The following ZBTB20 variants were observed in gnomAD, a reference collection of about 807,000 sequenced individuals.
ZBTB20 encodes the protein zinc finger and BTB domain-containing protein 20.
ZBTB20 carries 9 observed loss-of-function variants against 56.9 expected under a neutral mutation model. The observed-to-expected ratio is 0.16, with a 90% confidence interval of 0.10 to 0.28. The LOEUF is 0.28. Among genes scored for constraint, ZBTB20 ranks in the 10% least tolerant of loss-of-function variants. The probability of loss-of-function intolerance (pLI) is 1.00; values close to 1 mark genes in which losing one functional copy is unlikely to be tolerated. For missense variants in ZBTB20, 655 were observed against 1,003.0 expected, an observed-to-expected ratio of 0.65 and a Z score of 4.69; for synonymous variants, 417 against 420.7, an observed-to-expected ratio of 0.99 and a Z score of 0.11.
chr3:114,883,351 G>C (rs2076469215), intron 4 of ZBTB20, among the ~76,000 whole-genome samples: 1 of 152,128 alleles, frequency 6.6e-6, no homozygotes, highest in Admixed American at 6.5e-5. Flanking sequence ...GGTCTCAATG[G>C]TTTAGTTCTG....
chr3:114,907,455 G>C (rs755964410), intron 3 of ZBTB20, among the ~76,000 whole-genome samples: 1 of 151,732 alleles, frequency 6.6e-6, no homozygotes, highest in African/African-American at 2.4e-5. Flanking sequence ...TCAATATTCA[G>C]ACAGAACAAG....
intron 6 of ZBTB20, among the ~76,000 whole-genome samples, chr3:114,616,686 A>G (rs2057969040): frequency 6.6e-6 from 1 of 152,218 alleles, no homozygotes; most frequent in African/African-American, 2.4e-5. Context: ...TGGATGATTC[A>G]GATGACTGCC....
At chr3:114,760,980 GAAAGGAAATAATACTCCTAAACCCCCAA>G (rs1424981249) in intron 5 of ZBTB20, among the ~76,000 whole-genome samples, 6 of 152,058 alleles carry the variant, frequency 3.9e-5, no homozygotes, top group African/African-American at 1.4e-4. Flanking sequence ...TGTTAAATGA[GAAAGGAAATAATACTCCTAAACCCCCAA>G]AAAGCTCTTT....
At chr3:114,637,453 C>T (rs190059859) in intron 6 of ZBTB20, among the ~76,000 whole-genome samples, 1 of 152,188 alleles carries the variant, frequency 6.6e-6, no homozygotes, top group East Asian at 1.9e-4. Context: ...AGTATTTCAG[C>T]CTCCATTACT....
intron 3 of ZBTB20, among the ~76,000 whole-genome samples, chr3:114,963,046 T>C (rs952992047): frequency 5.9e-5 from 9 of 152,028 alleles, no homozygotes; most frequent in Non-Finnish European, 1.0e-4. Context: ...CAGCTCACTT[T>C]TTTTTTTCAA....
At chr3:114,626,946 C>T (rs1478451936) in intron 6 of ZBTB20, among the ~76,000 whole-genome samples, 4 of 152,178 alleles carry the variant, frequency 2.6e-5, no homozygotes, top group Non-Finnish European at 5.9e-5. Flanking sequence ...GATGTGCTCT[C>T]CCTGATGCCT....
intron 7 of ZBTB20, among the ~76,000 whole-genome samples, chr3:114,401,752 T>TA (rs900784389): frequency 1.5e-4 from 23 of 150,718 alleles, no homozygotes; most frequent in African/African-American, 5.1e-4. Flanking sequence ...GCTACTGAAA[T>TA]AAAAAAAAAT....
intron 5 of ZBTB20, among the ~76,000 whole-genome samples, chr3:114,716,134 G>T (rs1171687749): frequency 6.6e-6 from 1 of 152,104 alleles, no homozygotes; most frequent in African/African-American, 2.4e-5. Context: ...TTTTAAGGTA[G>T]AACATTTCCG....
At chr3:114,626,410 G>A (rs2058662226) in intron 6 of ZBTB20, among the ~76,000 whole-genome samples, 1 of 152,022 alleles carries the variant, frequency 6.6e-6, no homozygotes, top group Non-Finnish European at 1.5e-5. Context: ...CCTGTCACAT[G>A]GTGAACATTC....
At chr3:114,860,656 G>T (rs1337188516) in intron 4 of ZBTB20, among the ~76,000 whole-genome samples, 4 of 152,178 alleles carry the variant, frequency 2.6e-5, no homozygotes, top group Non-Finnish European at 5.9e-5. Flanking sequence ...GTGGAAGAAA[G>T]GTGAAAATAA....
At chr3:115,082,942 A>C (rs2082851316) in intron 1 of ZBTB20, among the ~76,000 whole-genome samples, 1 of 152,064 alleles carries the variant, frequency 6.6e-6, no homozygotes, top group Non-Finnish European at 1.5e-5. Flanking sequence ...AGCACACTAC[A>C]TTTCAAAGTC....
chr3:115,043,780 A>G (rs1353834161), intron 2 of ZBTB20, among the ~76,000 whole-genome samples: 2 of 152,160 alleles, frequency 1.3e-5, no homozygotes, highest in East Asian at 3.9e-4. Flanking sequence ...CCTTATTTTC[A>G]GAATTTATTG....
chr3:115,078,935 A>T (rs1427673237), intron 1 of ZBTB20, among the ~76,000 whole-genome samples: 1 of 152,140 alleles, frequency 6.6e-6, no homozygotes, highest in Non-Finnish European at 1.5e-5. Context: ...ATTTTATTAG[A>T]GTTGAAGCTT....
chr3:114,494,058 T>A (rs1183507708), intron 7 of ZBTB20, among the ~76,000 whole-genome samples: 1 of 152,188 alleles, frequency 6.6e-6, no homozygotes, highest in East Asian at 1.9e-4. Flanking sequence ...ATCTGCACAA[T>A]TAGGATTATA....
At chr3:115,059,119 T>C (rs191645626) in intron 2 of ZBTB20, among the ~76,000 whole-genome samples, 82 of 152,324 alleles carry the variant, frequency 5.4e-4, no homozygotes, top group Non-Finnish European at 7.6e-4. Context: ...GGTTACAAAA[T>C]ATTTTTCTTC....
At chr3:114,408,805 A>G (rs187888820) in intron 7 of ZBTB20, among the ~76,000 whole-genome samples, 4 of 152,176 alleles carry the variant, frequency 2.6e-5, no homozygotes, top group Admixed American at 2.6e-4. Context: ...GGTTAGTAAT[A>G]CACTAAAAGA....
At chr3:114,680,402 T>A (rs914224999) in intron 6 of ZBTB20, among the ~76,000 whole-genome samples, 1 of 152,206 alleles carries the variant, frequency 6.6e-6, no homozygotes, top group Non-Finnish European at 1.5e-5. Context: ...GCTATTTATC[T>A]CCAAGTTTCT....
intron 3 of ZBTB20, among the ~76,000 whole-genome samples, chr3:114,934,465 A>G (rs1295682004): frequency 6.6e-6 from 1 of 152,122 alleles, no homozygotes; most frequent in East Asian, 1.9e-4. Flanking sequence ...TTTGCCTTAT[A>G]TATTTTTGAA....
At chr3:114,627,928 G>A (rs919381009) in intron 6 of ZBTB20, among the ~76,000 whole-genome samples, 7 of 152,180 alleles carry the variant, frequency 4.6e-5, no homozygotes, top group South Asian at 2.1e-4. Flanking sequence ...CTGAACTGTA[G>A]AGTTCCGGGC....
Sources: allele counts gnomAD v4.1 joint callset (sites outside exome capture counted in the v4.1 genomes callset), GRCh38; gene constraint gnomAD v4.1.1; transcripts MANE v1.5; gene names NCBI Gene and HGNC (gene_info 2026-07-23, HGNC 2026-07-21).